Variants in KCNMA1 observed in about 807,000 individuals in gnomAD.
KCNMA1 encodes the protein Calcium-activated potassium channel subunit alpha-1.
KCNMA1 carries 29 observed loss-of-function variants against 140.0 expected under a neutral mutation model. The ratio of observed to expected loss-of-function variants is 0.21; its 90% CI spans 0.15 to 0.28. The LOEUF is 0.28. Ranked by LOEUF, KCNMA1 falls within the 10% of genes least tolerant of loss-of-function variation. The pLI is 1.00. For missense variants in KCNMA1, 880 were observed against 1,602.2 expected, an observed-to-expected ratio of 0.55 and a Z score of 7.70; for synonymous variants, 612 against 611.9, an observed-to-expected ratio of 1.00 and a Z score of 0.00.
intron 1 of KCNMA1, among the ~76,000 whole-genome samples, chr10:77,474,780 C>A (rs544463579): frequency 6.6e-6 from 1 of 152,114 alleles, no homozygotes; most frequent in East Asian, 1.9e-4. Flanking sequence ...TTGGCCTGGC[C>A]GGGAGAGCTG....
intron 2 of KCNMA1, among the ~76,000 whole-genome samples, chr10:77,330,493 A>C (rs1477164613): frequency 1.3e-5 from 2 of 152,206 alleles, no homozygotes; most frequent in African/African-American, 4.8e-5. Context: ...AGCCTCCAGG[A>C]GTCAGGATGA....
At chr10:77,368,493 A>T (rs2094496947) in intron 2 of KCNMA1, among the ~76,000 whole-genome samples, 1 of 152,168 alleles carries the variant, frequency 6.6e-6, no homozygotes, top group African/African-American at 2.4e-5. Flanking sequence ...TATGTAGCTT[A>T]TCTTTTCATT....
intron 17 of KCNMA1, among the ~76,000 whole-genome samples, chr10:77,014,433 CAAAA>C (rs35030342): frequency 3.4e-5 from 3 of 88,004 alleles, no homozygotes; most frequent in Admixed American, 1.2e-4. Flanking sequence ...GACATTGTCT[CAAAA>C]AAAAAAAAAA....
At chr10:77,332,193 C>G (rs1339314097) in intron 2 of KCNMA1, among the ~76,000 whole-genome samples, 1 of 151,932 alleles carries the variant, frequency 6.6e-6, no homozygotes, top group Non-Finnish European at 1.5e-5. Context: ...AATTTGGGGC[C>G]CAAAGCTGAG....
intron 1 of KCNMA1, among the ~76,000 whole-genome samples, chr10:77,599,223 C>T (rs376199227): frequency 2.7e-4 from 41 of 152,330 alleles, no homozygotes; most frequent in Admixed American, 2.2e-3. Flanking sequence ...CCGCCCCACA[C>T]GGAGCCTTGG....
At chr10:77,433,355 G>T (rs1252117007) in intron 1 of KCNMA1, among the ~76,000 whole-genome samples, 1 of 152,160 alleles carries the variant, frequency 6.6e-6, no homozygotes, top group African/African-American at 2.4e-5. Flanking sequence ...GTTTCACCAT[G>T]TTGGTCAGGC....
intron 1 of KCNMA1, among the ~76,000 whole-genome samples, chr10:77,421,950 A>T (rs1603563524): frequency 6.6e-6 from 1 of 152,348 alleles, no homozygotes; most frequent in East Asian, 1.9e-4. Context: ...GAAACTCCAT[A>T]CAAAAGGGAC....
chr10:77,502,592 A>C (rs186155416), intron 1 of KCNMA1, among the ~76,000 whole-genome samples: 245 of 152,156 alleles, frequency 1.6e-3, no homozygotes, highest in Non-Finnish European at 2.5e-3. Context: ...AAGAACCCCC[A>C]CATCTCTGGC....
At chr10:77,578,310 G>A (rs1472176014) in intron 1 of KCNMA1, among the ~76,000 whole-genome samples, 2 of 152,210 alleles carry the variant, frequency 1.3e-5, no homozygotes, top group African/African-American at 4.8e-5. Context: ...CGGCTGTGCC[G>A]CTGATCAGCC....
At chr10:77,278,620 G>A (rs1212560902) in intron 2 of KCNMA1, among the ~76,000 whole-genome samples, 1 of 152,078 alleles carries the variant, frequency 6.6e-6, no homozygotes, top group African/African-American at 2.4e-5. Context: ...TGGCAGTGAA[G>A]ACAAAAAATA....
At chr10:77,593,041 A>G (rs542419797) in intron 1 of KCNMA1, among the ~76,000 whole-genome samples, 4 of 152,174 alleles carry the variant, frequency 2.6e-5, no homozygotes, top group Admixed American at 6.5e-5. Context: ...CCTGTGCCCA[A>G]GCTTCTCAGC....
intron 2 of KCNMA1, among the ~76,000 whole-genome samples, chr10:77,293,344 CACA>C (rs1177869517): frequency 2.0e-5 from 3 of 152,132 alleles, no homozygotes; most frequent in African/African-American, 4.8e-5. Flanking sequence ...AATGAGTTTG[CACA>C]ACAAGAATGG....
chr10:76,968,739 A>G (rs2074946204), intron 20 of KCNMA1, among the ~76,000 whole-genome samples: 1 of 152,236 alleles, frequency 6.6e-6, no homozygotes, highest in Admixed American at 6.5e-5. Flanking sequence ...AGTGGAAGGC[A>G]GAGAACTTTT....
chr10:77,511,414 A>G (rs2048341499), intron 1 of KCNMA1, among the ~76,000 whole-genome samples: 1 of 152,226 alleles, frequency 6.6e-6, no homozygotes, highest in African/African-American at 2.4e-5. Context: ...TCTTAAAGGA[A>G]GCATTTCATA....
At chr10:77,621,073 T>G (rs537067007) in intron 1 of KCNMA1, among the ~76,000 whole-genome samples, 1 of 152,290 alleles carries the variant, frequency 6.6e-6, no homozygotes, top group Admixed American at 6.5e-5. Flanking sequence ...ATGCACGGGG[T>G]TTGGCAGGCA....
intron 1 of KCNMA1, among the ~76,000 whole-genome samples, chr10:77,418,296 T>C (rs2096787485): frequency 1.3e-5 from 2 of 152,208 alleles, no homozygotes; most frequent in South Asian, 4.2e-4. Flanking sequence ...GCTAGACCCA[T>C]CAATCTTCTC....
At chr10:77,394,940 C>T (rs1042469970) in intron 2 of KCNMA1, among the ~76,000 whole-genome samples, 3 of 152,258 alleles carry the variant, frequency 2.0e-5, no homozygotes, top group South Asian at 2.1e-4. Context: ...ACAGACGATA[C>T]GTAAATGAGT....
intron 23 of KCNMA1, among the ~76,000 whole-genome samples, chr10:76,936,449 T>C (rs1034669196): frequency 6.6e-6 from 1 of 152,228 alleles, no homozygotes; most frequent in African/African-American, 2.4e-5. Context: ...TTCTGGTTTT[T>C]GGGACGGAAG....
chr10:76,942,268 T>C (rs2062705221), intron 23 of KCNMA1, among the ~76,000 whole-genome samples: 1 of 152,164 alleles, frequency 6.6e-6, no homozygotes, highest in Non-Finnish European at 1.5e-5. Flanking sequence ...TCAGGCTTCT[T>C]TTATAAGGAC....
Sources: allele counts gnomAD v4.1 joint callset (sites outside exome capture counted in the v4.1 genomes callset), GRCh38; gene constraint gnomAD v4.1.1; transcripts MANE v1.5; gene names NCBI Gene and HGNC (gene_info 2026-07-23, HGNC 2026-07-21).